The following CCSER1 variants were observed in gnomAD, a reference collection of about 807,000 sequenced individuals.
CCSER1 encodes the protein serine-rich coiled-coil domain-containing protein 1.
CCSER1 carries 41 observed loss-of-function variants against 82.0 expected under a neutral mutation model. The ratio of observed to expected loss-of-function variants is 0.50; its 90% CI spans 0.39 to 0.65. The LOEUF (loss-of-function observed/expected upper bound fraction) is 0.65, where lower values mean the gene tolerates loss of function less well. CCSER1 is among the 30% of genes least tolerant of loss of function. The pLI is 0.00. For synonymous variants in CCSER1, 414 were observed against 383.9 expected (o/e 1.08, Z -0.92); for missense variants, 1,119 against 1,064.2 (o/e 1.05, Z -0.72).
At chr4:91,505,792 TG>T (rs2110103361) in intron 10 of CCSER1, among the ~76,000 whole-genome samples, 1 of 152,318 alleles carries the variant, frequency 6.6e-6, no homozygotes, top group Admixed American at 6.5e-5. Context: ...TGGGGTTATT[TG>T]TTTTGTTTCT....
chr4:91,415,874 T>C (rs960518492), intron 10 of CCSER1, among the ~76,000 whole-genome samples: 19 of 152,054 alleles, frequency 1.2e-4, no homozygotes, highest in African/African-American at 3.9e-4. Flanking sequence ...AGTTTTATTA[T>C]TTTTTTGTTG....
intron 3 of CCSER1, among the ~76,000 whole-genome samples, chr4:90,328,356 A>C (rs1474728968): frequency 6.6e-6 from 1 of 151,098 alleles, no homozygotes; most frequent in Admixed American, 6.6e-5. Flanking sequence ...TTTGATGTAT[A>C]TTGCTATTGT....
intron 8 of CCSER1, among the ~76,000 whole-genome samples, chr4:90,917,752 A>G (rs1727717325): frequency 1.3e-5 from 2 of 152,110 alleles, no homozygotes; most frequent in South Asian, 4.1e-4. Context: ...TATTATTGAC[A>G]TTGAAGTCCC....
intron 9 of CCSER1, among the ~76,000 whole-genome samples, chr4:91,036,051 G>T (rs991081255): frequency 6.6e-6 from 1 of 152,120 alleles, no homozygotes; most frequent in East Asian, 1.9e-4. Context: ...CTTCTAAGGG[G>T]TATCTGAAAA....
chr4:90,278,757 A>T (rs1452673252), intron 1 of CCSER1, among the ~76,000 whole-genome samples: 1 of 152,068 alleles, frequency 6.6e-6, no homozygotes, highest in Non-Finnish European at 1.5e-5. Context: ...AGGTTCATTC[A>T]TACCTCAAGC....
intron 8 of CCSER1, among the ~76,000 whole-genome samples, chr4:90,904,370 T>A (rs1561335257): frequency 6.6e-6 from 1 of 152,194 alleles, no homozygotes. Flanking sequence ...AGCAAACCTC[T>A]GCTATTTCTC....
At chr4:90,185,764 A>T (rs562912529) in intron 1 of CCSER1, among the ~76,000 whole-genome samples, 1 of 148,872 alleles carries the variant, frequency 6.7e-6, no homozygotes, top group East Asian at 2.0e-4. Flanking sequence ...GATTTTGACA[A>T]TTGAATATGT....
intron 1 of CCSER1, among the ~76,000 whole-genome samples, chr4:90,293,251 A>G (rs1205772731): frequency 6.6e-6 from 1 of 151,824 alleles, no homozygotes; most frequent in Non-Finnish European, 1.5e-5. Flanking sequence ...TGATATATAT[A>G]TGAGTGTGAA....
chr4:90,328,654 T>A (rs1738660486), intron 3 of CCSER1, among the ~76,000 whole-genome samples: 1 of 152,166 alleles, frequency 6.6e-6, no homozygotes. Context: ...TATTAAACAA[T>A]CCAGGAAACT....
intron 10 of CCSER1, among the ~76,000 whole-genome samples, chr4:91,387,233 T>A (rs7668527): frequency 0.75 from 113,547 of 151,808 alleles, 42,741 homozygotes; most frequent in East Asian, 0.87. Context: ...AAACATACCT[T>A]TATAAAGAGA....
intron 4 of CCSER1, among the ~76,000 whole-genome samples, chr4:90,410,122 T>C (rs1183213275): frequency 6.6e-6 from 1 of 152,170 alleles, no homozygotes; most frequent in Non-Finnish European, 1.5e-5. Flanking sequence ...AGCACCCAGA[T>C]TCATAAAGCA....
intron 8 of CCSER1, among the ~76,000 whole-genome samples, chr4:90,869,580 G>A (rs1031377362): frequency 6.6e-6 from 1 of 151,594 alleles, no homozygotes; most frequent in Admixed American, 6.6e-5. Context: ...TTTTCTGCCA[G>A]TACCATGCTG....
At chr4:90,827,182 A>C (rs1290377659) in intron 8 of CCSER1, among the ~76,000 whole-genome samples, 1 of 152,210 alleles carries the variant, frequency 6.6e-6, no homozygotes, top group Non-Finnish European at 1.5e-5. Flanking sequence ...TAGGCAGAGA[A>C]AATCTCAGAA....
chr4:90,968,119 TCCTGCAG>T (rs1211074464), intron 9 of CCSER1, among the ~76,000 whole-genome samples: 4 of 151,806 alleles, frequency 2.6e-5, no homozygotes, highest in Admixed American at 6.6e-5. Context: ...GGTGTAAGTA[TCCTGCAG>T]ATATTTAAGA....
chr4:90,464,267 T>A (rs1381265601), intron 4 of CCSER1, among the ~76,000 whole-genome samples: 1 of 152,242 alleles, frequency 6.6e-6, no homozygotes, highest in Non-Finnish European at 1.5e-5. Flanking sequence ...ATTTAATAAC[T>A]ATCTAGAAAT....
intron 5 of CCSER1, among the ~76,000 whole-genome samples, chr4:90,538,050 C>T (rs765159516): frequency 2.8e-4 from 42 of 152,126 alleles, no homozygotes; most frequent in Non-Finnish European, 4.9e-4. Context: ...TTAAATTGTG[C>T]TTACTTAGAA....
chr4:90,593,698 C>T lies in CCSER1; in HGVS notation c.1725-34327C>T, dbSNP rs1271604901. ...TATATATTATTGTTGTATATTTTCC[C>T]TGGGTGTTATATTCATATTGCCTTC... On this transcript the variant is annotated intron_variant, in intron 5 of 10. Transcript: ENST00000509176. 7.9e-5 allele frequency among the ~76,000 whole-genome samples: 12 copies of T among 152,030 alleles called. No homozygotes were observed. In the South Asian group the frequency reaches 1.5e-3, roughly 18 times the overall value.
intron 10 of CCSER1, among the ~76,000 whole-genome samples, chr4:91,383,206 GTAT>G: frequency 6.6e-6 from 1 of 152,200 alleles, no homozygotes; most frequent in East Asian, 1.9e-4. Context: ...ATGTATGCCT[GTAT>G]TGTGCATTAA....
intron 1 of CCSER1, among the ~76,000 whole-genome samples, chr4:90,287,178 A>G (rs1235305533): frequency 6.6e-6 from 1 of 151,718 alleles, no homozygotes; most frequent in African/African-American, 2.4e-5. Flanking sequence ...AAAAAGCATC[A>G]CCTTGGGTTC....
Sources: gnomAD v4.1 joint callset for allele counts (sites outside exome capture counted in the v4.1 genomes callset) on GRCh38, gnomAD v4.1.1 for gene constraint, MANE v1.5 for transcripts, NCBI Gene and HGNC (gene_info 2026-07-23, HGNC 2026-07-21) for gene names.